ADK: variants seen among roughly 807,000 people sequenced by gnomAD.
The protein encoded by ADK is N6,N6-dimethyladenosine kinase.
Under a neutral mutation model 44.7 loss-of-function variants are expected in ADK, and 24 were observed. The observed-to-expected ratio is 0.54, with a 90% CI of 0.39 to 0.76. ADK has a LOEUF of 0.76. Among genes scored for constraint, ADK ranks in the 30% least tolerant of loss-of-function variants. The pLI, the probability that ADK is intolerant of heterozygous loss-of-function variation, is 0.00. For synonymous variants in ADK, 128 were observed against 142.6 expected, an observed-to-expected ratio of 0.90 and a Z score of 0.73; for missense variants, 321 against 425.1, an observed-to-expected ratio of 0.76 and a Z score of 2.15.
chr10:74,577,050 TC>T (rs1401496170), intron 7 of ADK, among the ~76,000 whole-genome samples: 1 of 152,006 alleles, frequency 6.6e-6, no homozygotes. Flanking sequence ...GTACCTACTT[TC>T]AATTTAGTAT....
At chr10:74,516,377 C>T (rs1485033624) in intron 6 of ADK, among the ~76,000 whole-genome samples, 4 of 152,090 alleles carry the variant, frequency 2.6e-5, no homozygotes, top group African/African-American at 9.7e-5. Flanking sequence ...CAGTGCACCC[C>T]ACTACTCTTC....
chr10:74,452,749 C>T (rs1845818868), intron 6 of ADK, among the ~76,000 whole-genome samples: 2 of 151,992 alleles, frequency 1.3e-5, no homozygotes, highest in Admixed American at 6.6e-5. Flanking sequence ...GTGGTTATAA[C>T]TTGCATAGCT....
intron 6 of ADK, among the ~76,000 whole-genome samples, chr10:74,428,530 C>A (rs1844877974): frequency 6.6e-6 from 1 of 152,124 alleles, no homozygotes; most frequent in South Asian, 2.1e-4. Context: ...AAGACCATTC[C>A]AATCACTAAT....
rs958239323 is a variant in ADK, at chr10:74,284,004, G to A, written c.195-30663G>A. Among the ~76,000 whole-genome samples, 4 of 151,136 alleles carry A rather than the reference G, an allele frequency of 2.6e-5. No homozygotes were observed. In the East Asian group the frequency reaches 7.9e-4, roughly 30 times the overall value. ...TCGCTCTTGTTTTCTTGTTGCCCAG[G>A]CTGGAGTGCAATGGTTTGATCTTGG... is the stretch of plus-strand genomic sequence containing the variant. On this transcript the variant is annotated intron_variant, in intron 3 of 10. Coordinates refer to ENST00000539909, the MANE Select transcript of ADK (RefSeq NM_006721.4).
intron 8 of ADK, among the ~76,000 whole-genome samples, chr10:74,598,008 G>T (rs1851981333): frequency 6.6e-6 from 1 of 151,972 alleles, no homozygotes; most frequent in South Asian, 2.1e-4. Context: ...TTTAATTTTT[G>T]CCCACTAATC....
intron 1 of ADK, among the ~76,000 whole-genome samples, chr10:74,166,482 A>G (rs1451133576): frequency 6.6e-6 from 1 of 151,956 alleles, no homozygotes; most frequent in Admixed American, 6.6e-5. Context: ...ACCACGCCCA[A>G]CTAATTTTGG....
At chr10:74,515,507 A>G (rs1848532989) in intron 6 of ADK, among the ~76,000 whole-genome samples, 1 of 152,186 alleles carries the variant, frequency 6.6e-6, no homozygotes, top group Non-Finnish European at 1.5e-5. Context: ...CAGGTCGGGG[A>G]CGTGGGCTTT....
chr10:74,326,217 G>A (rs1294264887), intron 4 of ADK, among the ~76,000 whole-genome samples: 1 of 152,078 alleles, frequency 6.6e-6, no homozygotes, highest in East Asian at 1.9e-4. Context: ...TGGTATCAGG[G>A]TAATGCTGAT....
At chr10:74,259,885 G>C (rs1845977677) in intron 3 of ADK, among the ~76,000 whole-genome samples, 1 of 152,034 alleles carries the variant, frequency 6.6e-6, no homozygotes. Flanking sequence ...CAATAAATTA[G>C]TAATTCTTTG....
chr10:74,360,330 G>T (rs532174767), intron 4 of ADK, among the ~76,000 whole-genome samples: 1 of 152,144 alleles, frequency 6.6e-6, no homozygotes, highest in Admixed American at 6.5e-5. Context: ...CCTGGAGAAT[G>T]TTCCATGTCC....
intron 6 of ADK, among the ~76,000 whole-genome samples, chr10:74,480,479 A>G (rs964760676): frequency 2.0e-5 from 3 of 151,922 alleles, no homozygotes; most frequent in Admixed American, 6.6e-5. Context: ...GGATCCTGCT[A>G]TGTTGCCCAG....
chr10:74,294,083 AT>A (rs1417934534), intron 3 of ADK, among the ~76,000 whole-genome samples: 1 of 152,064 alleles, frequency 6.6e-6, no homozygotes, highest in Non-Finnish European at 1.5e-5. Flanking sequence ...CTTTATCCAC[AT>A]TGTTGAACAT....
intron 2 of ADK, among the ~76,000 whole-genome samples, chr10:74,216,818 T>C (rs1179225436): frequency 1.3e-5 from 2 of 152,200 alleles, no homozygotes; most frequent in African/African-American, 4.8e-5. Context: ...GGCAATAGAA[T>C]AGTGTATAGT....
chr10:74,585,020 C>T (rs1217673289), intron 7 of ADK, among the ~76,000 whole-genome samples: 2 of 152,110 alleles, frequency 1.3e-5, no homozygotes, highest in Admixed American at 6.6e-5. Flanking sequence ...CTTTCATATA[C>T]GCAAACATGC....
chr10:74,471,345 A>T (rs1056916366), intron 6 of ADK, among the ~76,000 whole-genome samples: 1 of 152,136 alleles, frequency 6.6e-6, no homozygotes, highest in South Asian at 2.1e-4. Flanking sequence ...AAGTTCTGGG[A>T]TTACAGGCTT....
chr10:74,506,195 C>T (rs1453176969), intron 6 of ADK: 1 of 157,214 alleles, frequency 6.4e-6, no homozygotes, highest in Non-Finnish European at 1.4e-5. Flanking sequence ...TTTACAGAAA[C>T]TTCAAGGTTT....
At chr10:74,611,020 G>A (rs1385404942) in intron 9 of ADK, among the ~76,000 whole-genome samples, 2 of 151,938 alleles carry the variant, frequency 1.3e-5, no homozygotes, top group Non-Finnish European at 2.9e-5. Flanking sequence ...AAAATAAACT[G>A]TAGATTTTTC....
chr10:74,484,197 A>T (rs1847185719), intron 6 of ADK, among the ~76,000 whole-genome samples: 1 of 152,170 alleles, frequency 6.6e-6, no homozygotes, highest in East Asian at 1.9e-4. Flanking sequence ...GGCCTCAGGA[A>T]ACTTACAATC....
chr10:74,348,413 C>T (rs943217993), intron 4 of ADK, among the ~76,000 whole-genome samples: 3 of 152,106 alleles, frequency 2.0e-5, no homozygotes, highest in Non-Finnish European at 4.4e-5. Flanking sequence ...GACCCCCACA[C>T]AAAAACCCCA....
Sources: gnomAD v4.1 joint callset for allele counts (sites outside exome capture counted in the v4.1 genomes callset) on GRCh38, gnomAD v4.1.1 for gene constraint, MANE v1.5 for transcripts, NCBI Gene and HGNC (gene_info 2026-07-23, HGNC 2026-07-21) for gene names.